NEMP2: variants seen among roughly 807,000 people sequenced by gnomAD.
The protein encoded by NEMP2 is nuclear envelope integral membrane protein 2, also known as UPF0571 transmembrane protein.
A neutral mutation model predicts 54.2 loss-of-function variants in NEMP2; 53 were observed. That is an observed-to-expected ratio of 0.98 (90% CI 0.78 to 1.23). The LOEUF is 1.23. Ranked by LOEUF, NEMP2 falls within the 50% of genes most tolerant of loss-of-function variation. The probability of loss-of-function intolerance (pLI) is 0.00; values close to 1 mark genes in which losing one functional copy is unlikely to be tolerated. For synonymous variants in NEMP2, 197 were observed against 190.3 expected, an observed-to-expected ratio of 1.04 and a Z score of -0.29; for missense variants, 455 against 511.3, an observed-to-expected ratio of 0.89 and a Z score of 1.06.
chr2:190,638,064 G>A, the NEMP2 span, among the ~76,000 whole-genome samples: 5 of 152,176 alleles, frequency 3.3e-5, no homozygotes, highest in Non-Finnish European at 5.9e-5. This position sits in a 1 kb window ranked among gnomAD's most constrained non-coding sequence, Gnocchi z 5.7. Context: ...CTGCAGGAGC[G>A]GGAGCAGGGG....
the NEMP2 span, among the ~76,000 whole-genome samples, chr2:190,602,588 C>T: frequency 6.6e-6 from 1 of 152,170 alleles, no homozygotes; most frequent in African/African-American, 2.4e-5. Flanking sequence ...TGAGTGGAAC[C>T]CAGGGAGTGC....
chr2:190,475,700 G>A, the NEMP2 span, among the ~76,000 whole-genome samples: 2 of 152,084 alleles, frequency 1.3e-5, no homozygotes, highest in Non-Finnish European at 2.9e-5. Flanking sequence ...TCACAGAATT[G>A]GAAAAAACTA....
the NEMP2 span, among the ~76,000 whole-genome samples, chr2:190,641,631 T>C: frequency 1.3e-5 from 2 of 152,132 alleles, no homozygotes; most frequent in Non-Finnish European, 2.9e-5. Flanking sequence ...ATTCCAGAGA[T>C]GGGGAGCAGA....
At chr2:190,617,559 T>C in the NEMP2 span, among the ~76,000 whole-genome samples, 4 of 152,168 alleles carry the variant, frequency 2.6e-5, no homozygotes, top group Non-Finnish European at 5.9e-5. This position sits in a 1 kb window ranked among gnomAD's most constrained non-coding sequence, Gnocchi z 5.0. Flanking sequence ...ATGAAAAAGA[T>C]TTTGCCTGCA....
At chr2:190,431,962 C>A in the NEMP2 span, among the ~76,000 whole-genome samples, 1 of 152,114 alleles carries the variant, frequency 6.6e-6, no homozygotes, top group Non-Finnish European at 1.5e-5. This position sits in a 1 kb window ranked among gnomAD's most constrained non-coding sequence, Gnocchi z 4.4. Flanking sequence ...TGAAGATAAT[C>A]ATATATTCAA....
chr2:190,555,729 A>C, the NEMP2 span, among the ~76,000 whole-genome samples: 1 of 152,184 alleles, frequency 6.6e-6, no homozygotes, highest in East Asian at 1.9e-4. The surrounding 1 kb of genome is among the most constrained non-coding windows in gnomAD (Gnocchi z 4.8). Flanking sequence ...ATTGGAACCA[A>C]GTTAGAAAAC....
At position 190,534,565 on chromosome 2, in the gene NEMP2, A is replaced by ACGCTGC. The variant is rs1691296238; in HGVS notation, c.85_90dup (p.Ala29_Ala30dup). 10 of 1,401,882 alleles carry ACGCTGC rather than the reference A, an allele frequency of 7.1e-6. No individual in the cohort carries two copies. Among genetic ancestry groups the ACGCTGC allele is most frequent in the Middle Eastern group, 2.4e-4 (1 of 4,130 alleles). The allele number at this position is 1,401,882 out of a possible 1,614,324, so 86.8% of individuals were successfully genotyped here. A position where few individuals can be genotyped will look rare whatever the true frequency, so the allele number is the denominator to read the frequency against. Reference sequence around the variant, plus strand: ...GCCGCCGGTCCCGGGTTACCTGATAACGCTGCCGCCGCCGCCTCCCCGCGC... The same window carrying ACGCTGC: ...GCCGCCGGTCCCGGGTTACCTGATAACGCTGCCGCTGCCGCCGCCGCCTCCCCGCGC... On this transcript the variant is annotated inframe_insertion, in exon 1 of 9. Transcript: ENST00000409150.
chr2:190,594,205 A>G, the NEMP2 span, among the ~76,000 whole-genome samples: 1 of 152,186 alleles, frequency 6.6e-6, no homozygotes, highest in African/African-American at 2.4e-5. This position sits in a 1 kb window ranked among gnomAD's most constrained non-coding sequence, Gnocchi z 5.6. Context: ...ATCTTCACAA[A>G]GTTGCCTTCT....
chr2:190,572,686 A>G, the NEMP2 span, among the ~76,000 whole-genome samples: 1 of 151,390 alleles, frequency 6.6e-6, no homozygotes, highest in African/African-American at 2.4e-5. Flanking sequence ...ATGTTACTAC[A>G]TGGTCTTCAG....
the NEMP2 span, among the ~76,000 whole-genome samples, chr2:190,476,369 C>G: frequency 6.6e-6 from 1 of 152,110 alleles, no homozygotes; most frequent in Non-Finnish European, 1.5e-5. Context: ...AAGAAAAAAA[C>G]AACCCCATCA....
chr2:190,642,417 G>T, the NEMP2 span, among the ~76,000 whole-genome samples: 17 of 152,114 alleles, frequency 1.1e-4, no homozygotes, highest in Non-Finnish European at 4.4e-5. This position sits in a 1 kb window ranked among gnomAD's most constrained non-coding sequence, Gnocchi z 4.1. Flanking sequence ...ATAGTATCTT[G>T]TAATAAAATA....
chr2:190,558,898 G>T, the NEMP2 span, among the ~76,000 whole-genome samples: 8 of 152,282 alleles, frequency 5.3e-5, no homozygotes, highest in South Asian at 1.7e-3. The surrounding 1 kb of genome is among the most constrained non-coding windows in gnomAD (Gnocchi z 4.4). Context: ...ATATATATAT[G>T]TGTATATATG....
chr2:190,424,296 G>A, the NEMP2 span, among the ~76,000 whole-genome samples: 4 of 150,250 alleles, frequency 2.7e-5, no homozygotes, highest in South Asian at 6.3e-4. This position sits in a 1 kb window ranked among gnomAD's most constrained non-coding sequence, Gnocchi z 5.9. Flanking sequence ...TCCATTTTGA[G>A]TTAATATTTG....
chr2:190,569,231 A>G, the NEMP2 span, among the ~76,000 whole-genome samples: 1,715 of 152,318 alleles, frequency 0.011, 38 homozygotes, highest in African/African-American at 0.038. Context: ...AAGAAAAATG[A>G]CAATATATGT....
the NEMP2 span, among the ~76,000 whole-genome samples, chr2:190,615,225 G>A: frequency 5.3e-5 from 8 of 152,268 alleles, no homozygotes; most frequent in East Asian, 1.5e-3. This position sits in a 1 kb window ranked among gnomAD's most constrained non-coding sequence, Gnocchi z 4.7. Context: ...GCTCCGGGTT[G>A]GCACCTGTGC....
chr2:190,474,292 A>G, the NEMP2 span, among the ~76,000 whole-genome samples: 1 of 152,266 alleles, frequency 6.6e-6, no homozygotes, highest in East Asian at 1.9e-4. Context: ...TTTTTTGAAA[A>G]GATCAACAAA....
the NEMP2 span, among the ~76,000 whole-genome samples, chr2:190,428,965 G>A: frequency 2.0e-5 from 3 of 152,080 alleles, no homozygotes; most frequent in African/African-American, 7.2e-5. Flanking sequence ...GAGCCACCAT[G>A]CCCAGCCTCA....
Position 190,530,881 on chromosome 2 carries a change from G to T in NEMP2, c.97+3678C>A, listed in dbSNP as rs909513132. Among the ~76,000 whole-genome samples, 2 of 152,142 alleles carry T rather than the reference G, an allele frequency of 1.3e-5. No homozygotes were observed. The highest frequency in any genetic ancestry group is 2.9e-5 in the Non-Finnish European group (2 of 68,020). On this transcript the variant is annotated intron_variant, in intron 1 of 8. Transcript: ENST00000409150. This position sits in a 1 kb window ranked among gnomAD's most constrained non-coding sequence, Gnocchi z 4.6. The stretch of plus-strand genomic sequence containing the variant: ...AACTCAAATGTATCAAAACAACAAC[G>T]GGCCAGGTGCTGAGGCTCATGCCTG...
the NEMP2 span, among the ~76,000 whole-genome samples, chr2:190,485,766 G>A: frequency 6.6e-6 from 1 of 150,852 alleles, no homozygotes; most frequent in Admixed American, 6.6e-5. This position sits in a 1 kb window ranked among gnomAD's most constrained non-coding sequence, Gnocchi z 5.1. Context: ...AATTAACTGT[G>A]TATGCTACTG....
Sources: gnomAD v4.1 joint callset for allele counts (sites outside exome capture counted in the v4.1 genomes callset) on GRCh38, gnomAD v4.1.1 for gene constraint, Gnocchi (gnomAD v3.1) non-coding constraint, MANE v1.5 for transcripts, NCBI Gene and HGNC (gene_info 2026-07-23, HGNC 2026-07-21) for gene names.